The following TFRC variants were observed in gnomAD, a reference collection of about 807,000 sequenced individuals.
TFRC encodes the protein transferrin receptor protein 1.
TFRC carries 35 observed loss-of-function variants against 85.8 expected under a neutral mutation model. The ratio of observed to expected loss-of-function variants is 0.41; its 90% CI spans 0.31 to 0.54. TFRC has a LOEUF of 0.54. Ranked by LOEUF, TFRC falls within the 20% of genes least tolerant of loss-of-function variation. The probability of loss-of-function intolerance (pLI) is 0.31; values close to 1 mark genes in which losing one functional copy is unlikely to be tolerated. For missense variants in TFRC, 828 were observed against 921.5 expected (o/e 0.90, Z 1.31); for synonymous variants, 362 against 328.6 (o/e 1.10, Z -1.10).
At chr3:196,059,912 T>G (rs976793687) in intron 14 of TFRC, among the ~76,000 whole-genome samples, 1 of 152,158 alleles carries the variant, frequency 6.6e-6, no homozygotes, top group Admixed American at 6.5e-5. Context: ...TGTGACTCTA[T>G]AGACAATCCC....
intron 17 of TFRC, among the ~76,000 whole-genome samples, chr3:196,054,073 CTAA>C (rs1716570075): frequency 6.6e-6 from 1 of 151,760 alleles, no homozygotes; most frequent in South Asian, 2.1e-4. Flanking sequence ...CCCGGCTCTA[CTAA>C]AAATACAAAA....
chr3:196,068,888 G>A (rs1302298081), intron 7 of TFRC, among the ~76,000 whole-genome samples: 2 of 139,674 alleles, frequency 1.4e-5, no homozygotes, highest in Non-Finnish European at 3.0e-5. Flanking sequence ...CTGAGATCAC[G>A]CCACTGCACT....
intron 1 of TFRC, among the ~76,000 whole-genome samples, chr3:196,079,965 G>A (rs1286313541): frequency 6.6e-6 from 1 of 152,198 alleles, no homozygotes; most frequent in Non-Finnish European, 1.5e-5. Context: ...TGAACTACCT[G>A]ATAATGAGTA....
chr3:196,065,628 T>C, intron 9 of TFRC, 28 bp from the exon 10 acceptor site: 1 of 1,577,342 alleles, frequency 6.3e-7, no homozygotes. Context: ...GCGTAAGTTC[T>C]GAGTTATTGT....
chr3:196,065,642 T>C, intron 9 of TFRC, 42 bp from the exon 10 acceptor site: 5 of 1,559,112 alleles, frequency 3.2e-6, no homozygotes, highest in Non-Finnish European at 4.3e-6. Flanking sequence ...TTATTGTTCC[T>C]TGCCCAGGGT....
intron 17 of TFRC, 133 bp from the exon 18 acceptor site, chr3:196,053,691 A>T: frequency 9.3e-7 from 1 of 1,080,248 alleles, no homozygotes; most frequent in Non-Finnish European, 1.3e-6. Context: ...CTCCGAAAGC[A>T]CCTTGCACAG....
chr3:196,065,420 G>GGGC, intron 10 of TFRC, 23 bp downstream of exon 10: 1 of 49,324 alleles, frequency 2.0e-5, no homozygotes, highest in Non-Finnish European at 3.0e-5. Context: ...AGCGGGGCGG[G>GGGC]GGGGGGGGGG....
Position 196,069,572 on chromosome 3 carries a change from G to C in TFRC, c.688-4C>G. On this transcript the variant is annotated splice_polypyrimidine_tract_variant and splice_region_variant and intron_variant, in intron 6 of 18. Transcript: ENST00000360110. ...AATTAGCATGGACCAGTTTACCCTA[G>C]AACAAAGACATTAGATTTAATGAGC... The C allele has an allele frequency of 6.5e-7, 1 of 1,530,270 alleles. No homozygotes were observed. The highest frequency in any genetic ancestry group is 1.1e-5 in the South Asian group (1 of 88,926). The allele number at this position is 1,530,270 out of a possible 1,614,324, so 94.8% of individuals were successfully genotyped here.
At chr3:196,075,884 G>GC (rs564629951) in intron 2 of TFRC, among the ~76,000 whole-genome samples, 156 of 47,340 alleles carry the variant, frequency 3.3e-3, no homozygotes, top group African/African-American at 5.4e-3. Context: ...CCAGCACTCT[G>GC]GGGGGGGCCG....
chr3:196,068,462 T>G (rs555819500), intron 7 of TFRC, among the ~76,000 whole-genome samples: 1 of 150,510 alleles, frequency 6.6e-6, no homozygotes, highest in South Asian at 2.1e-4. Context: ...AATACAAAAA[T>G]TAACTGGGCG....
At chr3:196,058,080 T>G (rs1716962539) in intron 16 of TFRC, 1 of 419,806 alleles carries the variant, frequency 2.4e-6, no homozygotes, top group African/African-American at 2.0e-5. Flanking sequence ...TTGTTATTGA[T>G]CTTGGTAGCC....
intron 9 of TFRC, 75 bp from the exon 10 acceptor site, chr3:196,065,675 C>A: frequency 2.7e-6 from 4 of 1,469,936 alleles, no homozygotes; most frequent in Non-Finnish European, 3.6e-6. Context: ...AGTGAAGTTA[C>A]AGATTAAGAG....
intron 10 of TFRC, 34 bp from the exon 11 acceptor site, chr3:196,064,462 A>G: frequency 6.4e-7 from 1 of 1,557,750 alleles, no homozygotes; most frequent in Non-Finnish European, 8.6e-7. Context: ...GAAAGAACTT[A>G]TATAATCAGC....
Position 196,063,128 on chromosome 3 carries a change from A to C in TFRC, c.1319-189T>G, listed in dbSNP as rs1032527919. On this transcript the variant is annotated intron_variant, in intron 11 of 18. Transcript: ENST00000360110. ...TTTTGAGACCCCAGGTAAAAGAATA[A>C]AAGAATAGGAATAATTTTTTTTAAA... The C allele has an allele frequency of 7.5e-6, 4 of 534,014 alleles. No individual in the cohort carries two copies. In the African/African-American group the frequency reaches 7.7e-5, roughly 10 times the overall value. 33.1% of individuals were successfully genotyped at this position (534,014 alleles called of 1,614,324 possible).
rs148436820 is a variant in TFRC, at chr3:196,077,913, CAAG to C, written c.-23-794_-23-792del. On this transcript the variant is annotated intron_variant, in intron 1 of 18. Coordinates refer to ENST00000360110, the MANE Select transcript of TFRC (RefSeq NM_001128148.3). ...CCTACAAGTGATTCGATCTTTGACA[CAAG>C]AAGAAACATGAAACACAGATTACGC... is the stretch of plus-strand genomic sequence containing the variant. Among the ~76,000 whole-genome samples the C allele has an allele frequency of 4.5e-3, 692 of 152,188 alleles. 35 individuals are homozygous for C. The East Asian group carries it at 0.077, about 17-fold the overall frequency.
rs1716244549 is a variant in TFRC at position 196,050,719 on chromosome 3, T to C, written c.*1223A>G. 4.9e-6 allele frequency: 1 copy of C among 205,226 alleles called. No homozygotes were observed. The highest frequency in any genetic ancestry group is 2.3e-5 in the African/African-American group (1 of 43,840). 12.7% of individuals were successfully genotyped at this position (205,226 alleles called of 1,614,324 possible). On this transcript the variant is annotated 3_prime_UTR_variant, in exon 19 of 19. Coordinates refer to ENST00000360110, the MANE Select transcript of TFRC (RefSeq NM_001128148.3). ...GTACTACCACAGCCTTTAAGTGACA[T>C]TGATTTATAACTTGGTCACAATTCA... is the stretch of plus-strand genomic sequence containing the variant.
chr3:196,050,725 T>C lies in TFRC; in HGVS notation c.*1217A>G, dbSNP rs1716245030. On this transcript the variant is annotated 3_prime_UTR_variant, in exon 19 of 19. Coordinates refer to ENST00000360110, the MANE Select transcript of TFRC (RefSeq NM_001128148.3). ...CCACAGCCTTTAAGTGACATTGATTTATAACTTGGTCACAATTCACTGCAT... is the reference window on the plus strand; with the variant it reads ...CCACAGCCTTTAAGTGACATTGATTCATAACTTGGTCACAATTCACTGCAT... 4.9e-6 allele frequency: 1 copy of C among 205,090 alleles called. No individual in the cohort carries two copies. The allele number at this position is 205,090 out of a possible 1,614,324, so 12.7% of individuals were successfully genotyped here. A position where few individuals can be genotyped will look rare whatever the true frequency, so the allele number is the denominator to read the frequency against.
rs779942371 is a variant in TFRC, at chr3:196,074,003, G to A, written c.361C>T (p.Arg121Cys). Reference sequence around the variant, plus strand: ...CTCTTCAGGTCATCCCAATATAAGCGACGTGCTGCAGGGAAGTCCTCTCCT... The same window carrying A: ...CTCTTCAGGTCATCCCAATATAAGCAACGTGCTGCAGGGAAGTCCTCTCCT... ...EPGEDFPAAR[R>C]LYWDDLKRKL... Residue 121 changes from arginine to cysteine, a missense_variant, in exon 4 of 19, where the codon CGC becomes TGC. Transcript: ENST00000360110. The A allele has an allele frequency of 1.6e-5, 26 of 1,614,026 alleles. No individual in the cohort carries two copies. Among genetic ancestry groups the A allele is most frequent in the Middle Eastern group, 1.6e-4 (1 of 6,084 alleles).
chr3:196,068,923 G>A (rs1303056727), intron 7 of TFRC, among the ~76,000 whole-genome samples: 3 of 118,902 alleles, frequency 2.5e-5, no homozygotes, highest in Admixed American at 9.5e-5. Context: ...AAGAGACTCC[G>A]TCTCAAAAAA....
Sources: allele counts gnomAD v4.1 joint callset (sites outside exome capture counted in the v4.1 genomes callset), GRCh38; gene constraint gnomAD v4.1.1; transcripts MANE v1.5; gene names NCBI Gene and HGNC (gene_info 2026-07-23, HGNC 2026-07-21).